IFI16: variants seen among roughly 807,000 people sequenced by gnomAD.
IFI16 encodes interferon gamma inducible protein 16.
In IFI16, 49 loss-of-function variants were observed where a neutral mutation model predicts 68.4. The observed-to-expected ratio is 0.72, with a 90% CI of 0.57 to 0.91. IFI16 has a LOEUF of 0.91. Among genes scored for constraint, IFI16 ranks in the 40% least tolerant of loss-of-function variants. The pLI is 0.00. For missense variants in IFI16, 878 were observed against 942.9 expected (o/e 0.93, Z 0.90); for synonymous variants, 307 against 315.0 (o/e 0.97, Z 0.27).
chr1:159,002,713 T>G (rs774719634), upstream of IFI16, among the ~76,000 whole-genome samples: 1 of 152,254 alleles, frequency 6.6e-6, no homozygotes, highest in Non-Finnish European at 1.5e-5. Flanking sequence ...AGCATTTGTG[T>G]GCTGTTTATT....
intron 7 of IFI16, among the ~76,000 whole-genome samples, chr1:159,035,684 C>T (rs1467244494): frequency 2.0e-5 from 3 of 152,084 alleles, no homozygotes. Flanking sequence ...TAGGGTTTCC[C>T]AAAGATTTTC....
chr1:159,025,429 A>G (rs67843408), intron 6 of IFI16, among the ~76,000 whole-genome samples: 45,412 of 152,184 alleles, frequency 0.3, 9,471 homozygotes, highest in African/African-American at 0.59. Context: ...TTAATGTTAA[A>G]TTTAATTTTA....
intron 4 of IFI16, among the ~76,000 whole-genome samples, chr1:159,017,619 T>C (rs1013381441): frequency 1.3e-5 from 2 of 152,068 alleles, no homozygotes; most frequent in African/African-American, 2.4e-5. Flanking sequence ...TTGTTGTTGT[T>C]GTTGTTGAGA....
At chr1:159,045,547 A>G (rs1654927158) in intron 8 of IFI16, 83 bp downstream of exon 8, 9 of 1,507,516 alleles carry the variant, frequency 6.0e-6, no homozygotes, top group Admixed American at 1.9e-5. Context: ...CACCTCACCA[A>G]TCCCCTACTA....
intron 6 of IFI16, among the ~76,000 whole-genome samples, chr1:159,024,940 G>A (rs543263240): frequency 5.3e-5 from 8 of 151,830 alleles, no homozygotes; most frequent in African/African-American, 1.9e-4. Flanking sequence ...TCAGCTGTGC[G>A]GACGGCGGTC....
At chr1:159,038,581 G>C (rs1654452065) in intron 7 of IFI16, among the ~76,000 whole-genome samples, 1 of 152,058 alleles carries the variant, frequency 6.6e-6, no homozygotes, top group Non-Finnish European at 1.5e-5. Context: ...TGCCCAGGCT[G>C]ATCTTGAACT....
At chr1:159,032,330 GA>G (rs1654046998) in intron 6 of IFI16, among the ~76,000 whole-genome samples, 193 bp from the exon 7 acceptor site, 1 of 152,082 alleles carries the variant, frequency 6.6e-6, no homozygotes, top group South Asian at 2.1e-4. Flanking sequence ...TTAGGAAGAA[GA>G]GTACTTGATC....
rs1653088078 is a variant in IFI16, at chr1:159,018,489, C to T, written c.810C>T (p.Leu270=). The T allele has an allele frequency of 1.2e-6, 2 of 1,613,792 alleles. No individual in the cohort carries two copies. Among genetic ancestry groups the T allele is most frequent in the Admixed American group, 1.7e-5 (1 of 60,008 alleles). Residue 270 remains leucine (L), a synonymous_variant, in exon 5 of 12, where the codon CTC becomes CTT. Transcript: ENST00000295809. Reference sequence around the variant, plus strand: ...CAGATTATTTGGAATATGATAGTCTCCTAGAGGTCAATGAAGAATCTACTG... The same window carrying T: ...CAGATTATTTGGAATATGATAGTCTTCTAGAGGTCAATGAAGAATCTACTG... ...IISDYLEYDS[L]LEVNEESTVS... is the part of the protein sequence containing the mutation.
At chr1:159,046,449 T>C (rs1654990947) in intron 8 of IFI16, among the ~76,000 whole-genome samples, 1 of 151,422 alleles carries the variant, frequency 6.6e-6, no homozygotes, top group African/African-American at 2.4e-5. Context: ...TTATATTTGA[T>C]ATCTTCTACC....
intron 11 of IFI16, among the ~76,000 whole-genome samples, chr1:159,053,961 T>C (rs1655520449): frequency 6.6e-6 from 1 of 152,166 alleles, no homozygotes; most frequent in African/African-American, 2.4e-5. Context: ...TAAGAAAGAA[T>C]TGGTTGCTTT....
intron 1 of IFI16, among the ~76,000 whole-genome samples, chr1:159,012,426 C>G (rs1652623872): frequency 1.3e-5 from 2 of 152,064 alleles, no homozygotes; most frequent in Admixed American, 6.6e-5. Flanking sequence ...ATAATTACTC[C>G]AAAATCAAAA....
Position 159,014,733 on chromosome 1 carries a change from A to G in IFI16, c.53A>G (p.Asn18Ser), listed in dbSNP as rs760286656. ...IVLLKGLEVI[N>S]DYHFRMVKSL... ...CTACTAAAAGGATTAGAGGTCATCA[A>G]TGATTATCATTTTAGAATGGTTAAG... is the stretch of plus-strand genomic sequence containing the variant. The change falls in exon 2 of 12, where the codon AAT (asparagine) becomes AGT (serine). Residue 18 changes from asparagine to serine, a missense_variant. This residue lies in a region of IFI16 where 65 missense variants were observed against 96.9 expected (regional missense o/e 0.67). Coordinates refer to ENST00000295809, the MANE Select transcript of IFI16 (RefSeq NM_001376587.1). 28 of 1,608,256 alleles carry G rather than the reference A, an allele frequency of 1.7e-5. No individual in the cohort carries two copies. The South Asian group carries it at 3.1e-4, about 18-fold the overall frequency.
rs765088611 is a variant in IFI16 at position 159,018,287 on chromosome 1, G to A, written c.608G>A (p.Arg203His). ...VTPRRNVLQK[R>H]PVIVKVLSTT... ...CCCAGAAGAAATGTTCTCCAAAAAC[G>A]CCCAGTGATAGTGAAGGTACTGAGT... The change falls in exon 5 of 12, where the codon CGC becomes CAC. Residue 203 changes from arginine (R) to histidine (H), a missense_variant. Arg to His is a conservative substitution (Grantham distance 29). Transcript: ENST00000295809. 21 of 1,613,932 alleles carry A rather than the reference G, an allele frequency of 1.3e-5. No homozygotes were observed. Among genetic ancestry groups the A allele is most frequent in the East Asian group, 2.2e-5 (1 of 44,882 alleles).
chr1:159,044,447 C>A (rs556714214), intron 7 of IFI16, among the ~76,000 whole-genome samples: 14 of 152,144 alleles, frequency 9.2e-5, no homozygotes, highest in African/African-American at 2.9e-4. Context: ...AGAGACTGTT[C>A]TAATCAAGAA....
chr1:159,003,268 T>C (rs531017681), upstream of IFI16, among the ~76,000 whole-genome samples: 129 of 152,356 alleles, frequency 8.5e-4, no homozygotes, highest in African/African-American at 3.0e-3. Flanking sequence ...GCATGGTTTA[T>C]TTTAATGTTT....
chr1:159,035,227 A>G (rs1654252715), intron 7 of IFI16, among the ~76,000 whole-genome samples: 1 of 152,012 alleles, frequency 6.6e-6, no homozygotes, highest in South Asian at 2.1e-4. Flanking sequence ...ATTTCCCTCC[A>G]TAGTTTATGC....
At chr1:159,000,364 C>T (rs1227490843) in exon 1 of IFI16, 1 of 203,542 alleles carries the variant, frequency 4.9e-6, no homozygotes, top group Non-Finnish European at 1.1e-5. Context: ...ATTATACCAC[C>T]AAAAGTGATT....
At position 159,051,847 on chromosome 1, in the gene IFI16, C is replaced by G. The variant is rs779379261; in HGVS notation, c.1834C>G (p.Arg612Gly). ...AGTGGCAACTGAGAATGAAGTCTTCCGAGTGAAGGTTTTTAATATTGACCT... is the reference window on the plus strand; with the variant it reads ...AGTGGCAACTGAGAATGAAGTCTTCGGAGTGAAGGTTTTTAATATTGACCT... ...ATVATENEVFRVKVFNIDLKE... is the reference protein window; with the variant it reads ...ATVATENEVFGVKVFNIDLKE... The change falls in exon 10 of 12, where the codon CGA (arginine) becomes GGA (glycine). Residue 612 changes from arginine (R) to glycine (G), a missense_variant. Arg to Gly is a moderately radical substitution (Grantham distance 125). Transcript: ENST00000295809. The G allele has an allele frequency of 7.4e-6, 12 of 1,613,920 alleles. No homozygotes were observed. The African/African-American group carries it at 1.5e-4, about 20-fold the overall frequency.
At chr1:159,003,775 C>G (rs1652148760), upstream of IFI16, among the ~76,000 whole-genome samples, 1 of 152,156 alleles carries the variant, frequency 6.6e-6, no homozygotes, top group Non-Finnish European at 1.5e-5. Context: ...ATTCTCCTGC[C>G]TCAGCCTCCC....
Sources: gnomAD v4.1 joint callset for allele counts (sites outside exome capture counted in the v4.1 genomes callset) on GRCh38, gnomAD v4.1.1 for gene constraint, gnomAD v4.1.1 regional missense constraint, MANE v1.5 for transcripts, NCBI Gene and HGNC (gene_info 2026-07-23, HGNC 2026-07-21) for gene names.